Variants in CDH23 observed in about 807,000 individuals in gnomAD.
CDH23 encodes the protein cadherin-23.
In CDH23, 189 loss-of-function variants were observed where a neutral mutation model predicts 317.1. That is an observed-to-expected ratio of 0.60 (90% CI 0.53 to 0.67). The LOEUF is 0.67. CDH23 is among the 30% of genes least tolerant of loss of function. The pLI, the probability that CDH23 is intolerant of heterozygous loss-of-function variation, is 0.00. For missense variants in CDH23, 4,401 were observed against 4,592.4 expected (o/e 0.96, Z 1.20); for synonymous variants, 1,839 against 1,876.8 (o/e 0.98, Z 0.52).
chr10:71,785,820 G>A, intron 44 of CDH23, 82 bp downstream of exon 44: 1 of 857,386 alleles, frequency 1.2e-6, no homozygotes, highest in Non-Finnish European at 1.9e-6. Flanking sequence ...CCTGCAGGCA[G>A]CATAGCCAGG....
At chr10:71,436,099 G>A (rs1193351809) in intron 1 of CDH23, among the ~76,000 whole-genome samples, 1 of 152,264 alleles carries the variant, frequency 6.6e-6, no homozygotes, top group Non-Finnish European at 1.5e-5. Context: ...CCTAGTGTCG[G>A]TGCCACCTCA....
intron 3 of CDH23, among the ~76,000 whole-genome samples, chr10:71,450,057 C>T (rs1850358262): frequency 6.6e-6 from 1 of 152,204 alleles, no homozygotes; most frequent in South Asian, 2.1e-4. Flanking sequence ...TGTCTTGCTC[C>T]AGACGTTAAT....
rs770379689 is a variant in CDH23, at chr10:71,511,207, C to A, written c.424C>A (p.Pro142Thr). Reference sequence around the variant, plus strand: ...CAATCAGCCCTACAGCGTCCGCATCCCTGAGGTAGGAGCCACTGGGGTTAC... The same window carrying A: ...CAATCAGCCCTACAGCGTCCGCATCACTGAGGTAGGAGCCACTGGGGTTAC... ...FHNQPYSVRI[P>T]ENTPVGTPIF... Residue 142 changes from proline to threonine, a missense_variant, in exon 6 of 70, where the codon CCT becomes ACT. Physicochemically the swap from Pro to Thr is conservative, Grantham distance 38 (BLOSUM62 -1). Transcript: ENST00000224721. 6.2e-7 allele frequency: 1 copy of A among 1,613,316 alleles called. No individual in the cohort carries two copies. Among genetic ancestry groups the A allele is most frequent in the South Asian group, 1.1e-5 (1 of 91,036 alleles).
chr10:71,421,488 C>T (rs541924690), intron 1 of CDH23, among the ~76,000 whole-genome samples: 1 of 152,252 alleles, frequency 6.6e-6, no homozygotes, highest in African/African-American at 2.4e-5. Context: ...TTTCGGAGAG[C>T]GTCGTAATTC....
At chr10:71,577,821 G>T (rs1858321463) in intron 8 of CDH23, 93 bp from the exon 9 acceptor site, 2 of 1,110,896 alleles carry the variant, frequency 1.8e-6, no homozygotes, top group Non-Finnish European at 2.7e-6. Context: ...GCCAGGATCA[G>T]CCTGGGGAGG....
intron 28 of CDH23, chr10:71,713,337 C>T (rs1350889122): frequency 5.2e-6 from 4 of 774,782 alleles, no homozygotes; most frequent in African/African-American, 5.1e-5. Flanking sequence ...TGGGTGTGCA[C>T]CCACACCTCT....
At chr10:71,637,660 G>T (rs562200032) in intron 11 of CDH23, among the ~76,000 whole-genome samples, 1 of 152,074 alleles carries the variant, frequency 6.6e-6, no homozygotes, top group African/African-American at 2.4e-5. Context: ...TGGCAGACCC[G>T]AGTTGGGGAC....
At chr10:71,467,795 A>G (rs1312392108) in intron 3 of CDH23, among the ~76,000 whole-genome samples, 2 of 152,292 alleles carry the variant, frequency 1.3e-5, no homozygotes, top group Non-Finnish European at 1.5e-5. Flanking sequence ...GTATCGGCTC[A>G]TGTTATTATC....
intron 9 of CDH23, among the ~76,000 whole-genome samples, chr10:71,583,532 A>G (rs999531504): frequency 6.6e-6 from 1 of 152,164 alleles, no homozygotes; most frequent in Non-Finnish European, 1.5e-5. Flanking sequence ...GCCACAGGCC[A>G]CATTAGGAGA....
chr10:71,623,832 A>T (rs1001875870), intron 11 of CDH23, among the ~76,000 whole-genome samples: 2 of 152,134 alleles, frequency 1.3e-5, no homozygotes, highest in African/African-American at 4.8e-5. Flanking sequence ...CTGTGATTTC[A>T]AATCAGCCCA....
In CDH23 at chr10:71,811,426, T is replaced by C; in HGVS notation, c.9189T>C (p.Ser3063=). Reference sequence around the variant, plus strand: ...CTGTCCGGCTGCCGGATGACATGTCTGCCCTGCAGGTACCCGGCGACCGTG... The same window carrying C: ...CTGTCCGGCTGCCGGATGACATGTCCGCCCTGCAGGTACCCGGCGACCGTG... ...AISVRLPDDM[S]ALQMAIIVLA... Residue 3063 remains serine (S), a synonymous_variant, in exon 63 of 70, where the codon TCT becomes TCC. Coordinates refer to ENST00000224721, the MANE Select transcript of CDH23 (RefSeq NM_022124.6). 1.2e-6 allele frequency: 2 copies of C among 1,613,998 alleles called. No homozygotes were observed. The highest frequency in any genetic ancestry group is 2.7e-5 in the African/African-American group (2 of 75,056).
intron 6 of CDH23, among the ~76,000 whole-genome samples, chr10:71,556,585 CA>C (rs61508146): frequency 0.096 from 11,705 of 121,622 alleles, 506 homozygotes; most frequent in Middle Eastern, 0.18. Context: ...GACTCGGTCT[CA>C]AAAAAAAAAA....
At chr10:71,532,920 C>T (rs757904984) in intron 6 of CDH23, among the ~76,000 whole-genome samples, 33 of 152,004 alleles carry the variant, frequency 2.2e-4, no homozygotes, top group Middle Eastern at 6.8e-3. Context: ...TTAATAGAGA[C>T]GGGGTTTCAC....
At chr10:71,534,200 G>A (rs184297960) in intron 6 of CDH23, among the ~76,000 whole-genome samples, 32 of 152,074 alleles carry the variant, frequency 2.1e-4, no homozygotes, top group Non-Finnish European at 3.4e-4. Context: ...GCCCACCCCC[G>A]ATCCATAAAC....
intron 38 of CDH23, among the ~76,000 whole-genome samples, chr10:71,756,114 C>T (rs1474871685): frequency 2.6e-5 from 4 of 152,100 alleles, no homozygotes; most frequent in Non-Finnish European, 5.9e-5. Context: ...AACGTGAATC[C>T]TTGTACAATG....
At chr10:71,564,822 G>A (rs1249578842) in intron 6 of CDH23, among the ~76,000 whole-genome samples, 1 of 152,190 alleles carries the variant, frequency 6.6e-6, no homozygotes, top group Admixed American at 6.5e-5. Context: ...TGAGTCCTGT[G>A]CTTTTCTTTG....
rs1333268190 is a variant in CDH23 at position 71,557,598 on chromosome 10, A to ATTT, written c.430-9139_430-9137dup. On this transcript the variant is annotated intron_variant, in intron 6 of 69. Coordinates refer to ENST00000224721, the MANE Select transcript of CDH23 (RefSeq NM_022124.6). ...TTTTCAGAAAAAAGTGTTCATGGGA[A>ATTT]TTTTTTTCACTTCATCTGAACAATG... is the stretch of plus-strand genomic sequence containing the variant. Among the ~76,000 whole-genome samples the ATTT allele has an allele frequency of 3.9e-5, 6 of 152,124 alleles. No individual in the cohort carries two copies. The South Asian group carries it at 1.2e-3, about 32-fold the overall frequency.
Position 71,810,457 on chromosome 10 carries a change from C to A in CDH23, c.8980-15C>A, listed in dbSNP as rs747069251. 2.5e-6 allele frequency: 4 copies of A among 1,612,578 alleles called. No homozygotes were observed. Among genetic ancestry groups the A allele is most frequent in the Non-Finnish European group, 2.5e-6 (3 of 1,178,708 alleles). On this transcript the variant is annotated splice_polypyrimidine_tract_variant and intron_variant, in intron 61 of 69. Coordinates refer to ENST00000224721, the MANE Select transcript of CDH23 (RefSeq NM_022124.6). ...GCTGTGGTGGCCACACCCTACAATACCCCTTCTCATCTAGTTCCATGTGGA... is the reference window on the plus strand; with the variant it reads ...GCTGTGGTGGCCACACCCTACAATAACCCTTCTCATCTAGTTCCATGTGGA...
intron 60 of CDH23, among the ~76,000 whole-genome samples, chr10:71,809,487 G>T (rs1209376798): frequency 6.6e-6 from 1 of 152,104 alleles, no homozygotes; most frequent in Non-Finnish European, 1.5e-5. Context: ...CTTATTTGTG[G>T]AATTCTGAGG....
Sources: gnomAD v4.1 joint callset for allele counts (sites outside exome capture counted in the v4.1 genomes callset) on GRCh38, gnomAD v4.1.1 for gene constraint, MANE v1.5 for transcripts, NCBI Gene and HGNC (gene_info 2026-07-23, HGNC 2026-07-21) for gene names.